The following NRP1 variants were observed in gnomAD, a reference collection of about 807,000 sequenced individuals.
The protein encoded by NRP1 is neuropilin 1.
NRP1 carries 35 observed loss-of-function variants against 106.7 expected under a neutral mutation model. The observed-to-expected ratio is 0.33, with a 90% confidence interval of 0.25 to 0.43. The LOEUF is 0.43. NRP1 is among the 20% of genes least tolerant of loss of function. NRP1 has a pLI of 1.00. For synonymous variants in NRP1, 437 were observed against 417.9 expected (o/e 1.05, Z -0.56); for missense variants, 1,024 against 1,170.4 (o/e 0.87, Z 1.83).
chr10:33,252,952 G>A (rs1021483505), intron 6 of NRP1, among the ~76,000 whole-genome samples: 1 of 150,886 alleles, frequency 6.6e-6, no homozygotes, highest in Non-Finnish European at 1.5e-5. Flanking sequence ...TCAAAAGACT[G>A]AAGCAGCAAT....
chr10:33,273,511 C>T (rs1354006968), intron 2 of NRP1, among the ~76,000 whole-genome samples: 6 of 152,178 alleles, frequency 3.9e-5, no homozygotes, highest in African/African-American at 9.7e-5. Context: ...CTGCATTGGC[C>T]TGAAGCCCAG....
intron 3 of NRP1, among the ~76,000 whole-genome samples, chr10:33,270,369 C>T (rs560200214): frequency 2.4e-4 from 37 of 151,122 alleles, no homozygotes; most frequent in Non-Finnish European, 4.0e-4. Flanking sequence ...CTCTGTTGCC[C>T]AGGCCAGAGT....
rs781717448 is a variant in NRP1 at position 33,270,889 on chromosome 10, T to A, written c.249-33A>T. On this transcript the variant is annotated intron_variant, in intron 2 of 16. Transcript: ENST00000374867. ...ACAAACATGGAAGAAAACATTAGGT[T>A]GGTGAGAAATGCCCTTTTAATTTCA... 76 of 1,519,072 alleles carry A rather than the reference T, an allele frequency of 5.0e-5. 1 individual carries two copies. The South Asian group carries it at 9.1e-4, about 18-fold the overall frequency. 94.1% of individuals were successfully genotyped at this position (1,519,072 alleles called of 1,614,324 possible).
At chr10:33,249,958 T>C (rs1841728560) in intron 6 of NRP1, among the ~76,000 whole-genome samples, 1 of 152,190 alleles carries the variant, frequency 6.6e-6, no homozygotes, top group Non-Finnish European at 1.5e-5. Flanking sequence ...CCGAAGCTTG[T>C]TCCTGTCTTG....
chr10:33,267,388 T>C (rs1842994639), intron 3 of NRP1, among the ~76,000 whole-genome samples: 2 of 152,190 alleles, frequency 1.3e-5, no homozygotes, highest in African/African-American at 2.4e-5. Flanking sequence ...TTAGTGAACA[T>C]GAGCTCTCCT....
intron 2 of NRP1, among the ~76,000 whole-genome samples, chr10:33,317,502 TACAAA>T (rs1282526534): frequency 1.3e-5 from 2 of 152,240 alleles, no homozygotes; most frequent in Non-Finnish European, 2.9e-5. Flanking sequence ...GGATTTATGC[TACAAA>T]ATCCATATCA....
intron 6 of NRP1, among the ~76,000 whole-genome samples, chr10:33,252,248 C>G (rs1441762615): frequency 6.6e-6 from 1 of 152,046 alleles, no homozygotes; most frequent in East Asian, 1.9e-4. Context: ...TTCCGGCTCC[C>G]CCAGCAATAA....
chr10:33,203,722 CTTTTTTTTTTTTTTTT>C lies in NRP1; in HGVS notation c.1760-743_1760-728del, dbSNP rs34343692. On this transcript the variant is annotated intron_variant, in intron 10 of 16. Coordinates refer to ENST00000374867, the MANE Select transcript of NRP1 (RefSeq NM_003873.7). ...GGTATCCAATATTAATCAAAGACTG[CTTTTTTTTTTTTTTTT>C]TTTTTTTTTTTTTGAGACGGAGTCT... 5.4e-4 allele frequency among the ~76,000 whole-genome samples: 37 copies of C among 68,140 alleles called. 11 individuals are homozygous for C. In the East Asian group the frequency reaches 0.021, roughly 38 times the overall value. 44.7% of individuals were successfully genotyped at this position (68,140 alleles called of 152,430 possible).
rs562117248 is a variant in NRP1, at chr10:33,180,016, C to T, written c.*60G>A. On this transcript the variant is annotated 3_prime_UTR_variant, in exon 17 of 17. Transcript: ENST00000374867. ...TGTATAGTGAAAGATCAACAGCTCC[C>T]CAGCTCACTCCCGTCCTTCCACTTC... 47 of 1,546,538 alleles carry T rather than the reference C, an allele frequency of 3.0e-5. 1 individual carries two copies. The South Asian group carries it at 5.2e-4, about 17-fold the overall frequency.
chr10:33,239,108 T>C (rs1167593354), intron 6 of NRP1, among the ~76,000 whole-genome samples: 1 of 151,980 alleles, frequency 6.6e-6, no homozygotes, highest in East Asian at 1.9e-4. Context: ...CTGGGCAACC[T>C]GGTGAGACCC....
intron 3 of NRP1, among the ~76,000 whole-genome samples, chr10:33,267,759 A>G (rs1312115871): frequency 6.6e-6 from 1 of 152,176 alleles, no homozygotes; most frequent in East Asian, 1.9e-4. Flanking sequence ...CTGGTGGCCC[A>G]AAGTTTCAGC....
intron 2 of NRP1, among the ~76,000 whole-genome samples, chr10:33,304,047 A>C (rs1268147686): frequency 6.6e-6 from 1 of 152,246 alleles, no homozygotes; most frequent in East Asian, 1.9e-4. Flanking sequence ...GGATTCAACC[A>C]AATCACATGA....
At chr10:33,333,599 A>T (rs1848431593) in intron 1 of NRP1, among the ~76,000 whole-genome samples, 1 of 152,230 alleles carries the variant, frequency 6.6e-6, no homozygotes, top group African/African-American at 2.4e-5. Flanking sequence ...CATGCCTACA[A>T]CCAGATCCCA....
At chr10:33,223,510 C>A (rs184835886) in intron 7 of NRP1, among the ~76,000 whole-genome samples, 2 of 151,592 alleles carry the variant, frequency 1.3e-5, no homozygotes, top group African/African-American at 4.8e-5. Context: ...TGCCTGTGGT[C>A]TCAGCTACTT....
intron 9 of NRP1, among the ~76,000 whole-genome samples, chr10:33,208,511 A>G (rs1242598093): frequency 2.0e-5 from 3 of 152,196 alleles, no homozygotes; most frequent in Non-Finnish European, 4.4e-5. Context: ...AAGATGGAGC[A>G]ATGACTAGGC....
intron 2 of NRP1, among the ~76,000 whole-genome samples, chr10:33,323,964 C>T (rs1197567630): frequency 3.9e-5 from 6 of 152,244 alleles, no homozygotes; most frequent in South Asian, 2.1e-4. Context: ...AGTGAAATCT[C>T]GTTGGAAATG....
intron 12 of NRP1, chr10:33,195,355 G>T (rs1836705826): frequency 2.8e-6 from 1 of 363,064 alleles, no homozygotes; most frequent in Admixed American, 3.6e-5. Context: ...AAAATGTAAG[G>T]ATCCCATCAC....
At chr10:33,220,114 GAAAT>G (rs1026542030) in intron 8 of NRP1, among the ~76,000 whole-genome samples, 5 of 152,110 alleles carry the variant, frequency 3.3e-5, no homozygotes, top group East Asian at 1.9e-4. Flanking sequence ...CTGTGGGATG[GAAAT>G]AAATAAACTT....
intron 9 of NRP1, among the ~76,000 whole-genome samples, chr10:33,210,063 G>C (rs980852936): frequency 1.3e-5 from 2 of 152,160 alleles, no homozygotes; most frequent in East Asian, 3.9e-4. Context: ...AGATTGGGTA[G>C]GTTGCAACAG....
Sources: allele counts gnomAD v4.1 joint callset (sites outside exome capture counted in the v4.1 genomes callset), GRCh38; gene constraint gnomAD v4.1.1; transcripts MANE v1.5; gene names NCBI Gene and HGNC (gene_info 2026-07-23, HGNC 2026-07-21).